The following VIPR1 variants were observed in gnomAD, a reference collection of about 807,000 sequenced individuals.
The protein encoded by VIPR1 is vasoactive intestinal polypeptide receptor 1.
Under a neutral mutation model 58.8 loss-of-function variants are expected in VIPR1, and 59 were observed. That is an observed-to-expected ratio of 1.00 (90% CI 0.81 to 1.25). The LOEUF (loss-of-function observed/expected upper bound fraction) is 1.25. Among genes scored for constraint, VIPR1 ranks in the 50% most tolerant of loss-of-function variants. VIPR1 has a pLI of 0.00. For missense variants in VIPR1, 626 were observed against 602.7 expected (o/e 1.04, Z -0.40); for synonymous variants, 251 against 242.1 (o/e 1.04, Z -0.34).
In VIPR1 at chr3:42,524,268, G is replaced by C. The variant is rs1469526267; in HGVS notation, c.293-1619G>C. Among the ~76,000 whole-genome samples the C allele has an allele frequency of 2.0e-4, 31 of 152,250 alleles. 1 individual carries two copies. The highest frequency in any genetic ancestry group is 2.9e-5 in the Non-Finnish European group (2 of 68,046). ...CCCTTTGATGAGGGGCTGGGCTGAA[G>C]GCTCTGGGCCAGGCCCACCTCTGGC... is the stretch of plus-strand genomic sequence containing the variant. On this transcript the variant is annotated intron_variant, in intron 3 of 12. Transcript: ENST00000325123.
At chr3:42,491,133 G>A (rs747528309) in intron 1 of VIPR1, among the ~76,000 whole-genome samples, 4 of 152,224 alleles carry the variant, frequency 2.6e-5, no homozygotes, top group Non-Finnish European at 5.9e-5. Context: ...CTTCAAAAGA[G>A]AGCCTGCAAG....
chr3:42,501,515 G>A (rs973943030), upstream of VIPR1, among the ~76,000 whole-genome samples: 1 of 152,228 alleles, frequency 6.6e-6, no homozygotes, highest in African/African-American at 2.4e-5. This position sits in a 1 kb window ranked among gnomAD's most constrained non-coding sequence, Gnocchi z 4.8. Context: ...GATTGTGCAG[G>A]CTCGAGCCCG....
chr3:42,523,627 A>ACACT lies in VIPR1; in HGVS notation c.293-2257_293-2256insTCAC, dbSNP rs1234302441. ...ACTACACACACACACACACACACAC[A>ACACT]CACACACACACACGGCATGTGAAGC... is the stretch of plus-strand genomic sequence containing the variant. On this transcript the variant is annotated intron_variant, in intron 3 of 12. Transcript: ENST00000325123. Among the ~76,000 whole-genome samples, 1,417 of 149,230 alleles carry ACACT rather than the reference A, an allele frequency of 9.5e-3. 33 individuals carry two copies. The highest frequency in any genetic ancestry group is 0.033 in the African/African-American group (1,354 of 40,598).
intron 1 of VIPR1, among the ~76,000 whole-genome samples, chr3:42,494,018 A>C (rs568499838): frequency 1.3e-5 from 2 of 152,338 alleles, no homozygotes; most frequent in African/African-American, 4.8e-5. Flanking sequence ...TCACCTCACC[A>C]GGCAGCAGCC....
At chr3:42,531,652 G>C (rs1701561752) in intron 8 of VIPR1, 121 bp downstream of exon 8, 7 of 1,546,884 alleles carry the variant, frequency 4.5e-6, no homozygotes, top group Admixed American at 1.7e-5. Context: ...GGCCAGAGGG[G>C]AGGCTGGAGG....
At chr3:42,502,947 G>T (rs1577197307) in intron 1 of VIPR1, 134 bp downstream of exon 1, 6 of 676,846 alleles carry the variant, frequency 8.9e-6, no homozygotes, top group South Asian at 1.5e-4. Flanking sequence ...CAAGCATCTC[G>T]ACTCGCCTCC....
intron 3 of VIPR1, among the ~76,000 whole-genome samples, chr3:42,523,684 G>T (rs1701078774): frequency 6.6e-6 from 1 of 151,808 alleles, no homozygotes; most frequent in African/African-American, 2.4e-5. Flanking sequence ...ACCCAGGTTT[G>T]CTGGCATAAT....
At chr3:42,499,814 G>T (rs1699833362), upstream of VIPR1, among the ~76,000 whole-genome samples, 2 of 152,070 alleles carry the variant, frequency 1.3e-5, no homozygotes, top group Non-Finnish European at 2.9e-5. Context: ...AGATCAACTG[G>T]GTGCACAAAA....
rs79697603 is a variant in VIPR1, at chr3:42,514,237, A to C, written c.184+383A>C. ...TGACCAATGAGGGCAGGCAGGTTCCAGGACCCCCTGGAGCTGGCATGGGAG... is the reference window on the plus strand; with the variant it reads ...TGACCAATGAGGGCAGGCAGGTTCCCGGACCCCCTGGAGCTGGCATGGGAG... On this transcript the variant is annotated intron_variant, in intron 2 of 12. Coordinates refer to ENST00000325123, the MANE Select transcript of VIPR1 (RefSeq NM_004624.4). Among the ~76,000 whole-genome samples the C allele has an allele frequency of 2.3e-4, 35 of 152,150 alleles. No individual in the cohort carries two copies. The East Asian group carries it at 6.8e-3, about 29-fold the overall frequency.
In VIPR1 at chr3:42,537,469, C is replaced by G. The variant is rs1189387639; in HGVS notation, c.*1188C>G. 3 of 152,286 alleles carry G rather than the reference C, an allele frequency of 2.0e-5. 1 individual carries two copies. Among genetic ancestry groups the G allele is most frequent in the Non-Finnish European group, 4.4e-5 (3 of 68,116 alleles). The allele number at this position is 152,286 out of a possible 1,614,324, so 9.4% of individuals were successfully genotyped here. ...TGCTGGTCACAGCCTCCTCTGTCTG[C>G]CCTTCACCCCAGTGGCCACTCAGCT... On this transcript the variant is annotated 3_prime_UTR_variant, in exon 13 of 13. Transcript: ENST00000325123.
intron 6 of VIPR1, 98 bp from the exon 7 acceptor site, chr3:42,530,681 C>T: frequency 7.3e-7 from 1 of 1,371,744 alleles, no homozygotes; most frequent in Non-Finnish European, 1.0e-6. Flanking sequence ...ATTAAGTTGG[C>T]TGCACTGCAA....
At chr3:42,501,383 A>G (rs1164021390), upstream of VIPR1, among the ~76,000 whole-genome samples, 1 of 152,080 alleles carries the variant, frequency 6.6e-6, no homozygotes, top group Non-Finnish European at 1.5e-5. The surrounding 1 kb of genome is among the most constrained non-coding windows in gnomAD (Gnocchi z 4.8). Context: ...GTAGCCGCAC[A>G]TTCTGCTCAG....
intron 1 of VIPR1, chr3:42,513,464 C>A: frequency 2.7e-6 from 1 of 368,416 alleles, no homozygotes; most frequent in South Asian, 3.5e-5. Flanking sequence ...CCTCTTGCCG[C>A]CATCTGGAGT....
At position 42,535,178 on chromosome 3, in the gene VIPR1, C is replaced by T. The variant is rs1701779440; in HGVS notation, c.1140+74C>T. 23 of 1,606,966 alleles carry T rather than the reference C, an allele frequency of 1.4e-5. No homozygotes were observed. In the South Asian group the frequency reaches 2.6e-4, roughly 18 times the overall value. Reference sequence around the variant, plus strand: ...ATTCAACCTGGAGTCTTGGCCCTTGCCACTGGATTCCAACCTTTTTACTGT... The same window carrying T: ...ATTCAACCTGGAGTCTTGGCCCTTGTCACTGGATTCCAACCTTTTTACTGT... On this transcript the variant is annotated intron_variant, in intron 11 of 12. Transcript: ENST00000325123.
chr3:42,530,993 C>A, intron 7 of VIPR1, 61 bp downstream of exon 7: 1 of 1,591,538 alleles, frequency 6.3e-7, no homozygotes, highest in South Asian at 1.1e-5. Flanking sequence ...GGAGAACTCC[C>A]TAGGGGGAGG....
At chr3:42,497,421 C>T (rs908982047) in intron 1 of VIPR1, among the ~76,000 whole-genome samples, 4 of 152,152 alleles carry the variant, frequency 2.6e-5, no homozygotes, top group African/African-American at 4.8e-5. Context: ...AGGGCACACA[C>T]TCACATGCTC....
intron 10 of VIPR1, chr3:42,532,646 T>C: frequency 2.1e-6 from 1 of 465,440 alleles, no homozygotes. Flanking sequence ...GTTCATACCA[T>C]GTGCCCAGTC....
chr3:42,523,604 T>TAC (rs60726747), intron 3 of VIPR1, among the ~76,000 whole-genome samples: 18,684 of 129,698 alleles, frequency 0.14, 1,385 homozygotes, highest in East Asian at 0.38. Context: ...CCTCCGCCAC[T>TAC]ACACACACAC....
chr3:42,503,521 T>G (rs1160892686), intron 1 of VIPR1, among the ~76,000 whole-genome samples: 1 of 152,150 alleles, frequency 6.6e-6, no homozygotes, highest in Admixed American at 6.5e-5. Flanking sequence ...CCTCTCAACG[T>G]GGGTATGTGT....
Sources: allele counts gnomAD v4.1 joint callset (sites outside exome capture counted in the v4.1 genomes callset), GRCh38; gene constraint gnomAD v4.1.1; non-coding constraint Gnocchi (gnomAD v3.1); transcripts MANE v1.5; gene names NCBI Gene and HGNC (gene_info 2026-07-23, HGNC 2026-07-21).